The following PNLIP variants were observed in gnomAD, a reference collection of about 807,000 sequenced individuals.
The protein encoded by PNLIP is pancreatic triacylglycerol lipase.
A neutral mutation model predicts 57.1 loss-of-function variants in PNLIP; 49 were observed. That is an observed-to-expected ratio of 0.86 (90% confidence interval 0.68 to 1.09). The LOEUF (loss-of-function observed/expected upper bound fraction) is 1.09. PNLIP is among the 50% of genes least tolerant of loss of function. The pLI is 0.00. For missense variants in PNLIP, 503 were observed against 570.2 expected, an observed-to-expected ratio of 0.88 and a Z score of 1.20; for synonymous variants, 209 against 200.4, an observed-to-expected ratio of 1.04 and a Z score of -0.36.
In PNLIP at chr10:116,548,432, C is replaced by A. The variant is rs368162708; in HGVS notation, c.274C>A (p.His92Asn). The A allele has an allele frequency of 4.8e-5, 77 of 1,613,846 alleles. No individual in the cohort carries two copies. Among genetic ancestry groups the A allele is most frequent in the Non-Finnish European group, 6.4e-5 (76 of 1,179,860 alleles). Residue 92 changes from histidine (H) to asparagine (N), a missense_variant, in exon 4 of 13, where the codon CAT (histidine) becomes AAT (asparagine). By Grantham distance (68) the His-to-Asn change is moderately conservative (BLOSUM62 1). Coordinates refer to ENST00000369221, the MANE Select transcript of PNLIP (RefSeq NM_000936.4). ...AAATAGAAAAACTCGCTTTATTATTCATGGATTCATAGACAAGGGAGAAGA... is the reference window on the plus strand; with the variant it reads ...AAATAGAAAAACTCGCTTTATTATTAATGGATTCATAGACAAGGGAGAAGA... Reference protein sequence around the residue: ...KTNRKTRFIIHGFIDKGEENW... With the variant: ...KTNRKTRFIINGFIDKGEENW...
intron 12 of PNLIP, among the ~76,000 whole-genome samples, chr10:116,565,009 C>T (rs1241272295): frequency 6.6e-6 from 1 of 151,564 alleles, no homozygotes; most frequent in Non-Finnish European, 1.5e-5. Flanking sequence ...ACCTGTAATC[C>T]CAGCACTTTG....
chr10:116,555,911 G>T, intron 8 of PNLIP, 89 bp from the exon 9 acceptor site: 1 of 787,946 alleles, frequency 1.3e-6, no homozygotes, highest in South Asian at 1.6e-5. Context: ...ACTAATTAGA[G>T]AAATCTATTC....
At chr10:116,556,483 T>C (rs1427605633) in intron 9 of PNLIP, among the ~76,000 whole-genome samples, 2 of 152,220 alleles carry the variant, frequency 1.3e-5, no homozygotes, top group Non-Finnish European at 2.9e-5. Flanking sequence ...TAACTATTAA[T>C]ATATAATTAT....
intron 10 of PNLIP, among the ~76,000 whole-genome samples, 193 bp downstream of exon 10, chr10:116,559,476 C>T (rs530116766): frequency 6.6e-6 from 1 of 152,280 alleles, no homozygotes; most frequent in Admixed American, 6.5e-5. Flanking sequence ...GGGTCCTGGA[C>T]TCTTAATGCT....
chr10:116,551,091 C>T lies in PNLIP; in HGVS notation c.325-7C>T. The T allele has an allele frequency of 6.4e-7, 1 of 1,570,600 alleles. No homozygotes were observed. The highest frequency in any genetic ancestry group is 2.3e-5 in the East Asian group (1 of 43,070). The stretch of plus-strand genomic sequence containing the variant: ...TATTTATCTGTTTATTGTGCCCCTT[C>T]CACCAGAATCTGTTCAAGGTGGAAA... On this transcript the variant is annotated splice_polypyrimidine_tract_variant and splice_region_variant and intron_variant, in intron 4 of 12. Coordinates refer to ENST00000369221, the MANE Select transcript of PNLIP (RefSeq NM_000936.4).
At chr10:116,560,256 T>A (rs1269300883) in intron 10 of PNLIP, among the ~76,000 whole-genome samples, 160 bp from the exon 11 acceptor site, 1 of 149,554 alleles carries the variant, frequency 6.7e-6, no homozygotes, top group Non-Finnish European at 1.5e-5. Context: ...GGAATATCTA[T>A]CACTATTTCA....
At chr10:116,557,358 A>C (rs1847263509) in intron 9 of PNLIP, among the ~76,000 whole-genome samples, 1 of 151,938 alleles carries the variant, frequency 6.6e-6, no homozygotes, top group Admixed American at 6.6e-5. Context: ...TCACCTTTGC[A>C]CTCCCTTCTA....
intron 5 of PNLIP, among the ~76,000 whole-genome samples, chr10:116,553,035 T>C (rs555010543): frequency 2.0e-5 from 3 of 152,354 alleles, no homozygotes; most frequent in African/African-American, 7.2e-5. Context: ...ACTCCATGAC[T>C]TGCCCAGAGC....
At chr10:116,549,197 G>A (rs1350310406) in intron 4 of PNLIP, among the ~76,000 whole-genome samples, 1 of 152,210 alleles carries the variant, frequency 6.6e-6, no homozygotes, top group Non-Finnish European at 1.5e-5. Context: ...AAAGACACAG[G>A]CTGGGTGTGG....
chr10:116,556,147 A>T (rs749038158), intron 9 of PNLIP, 29 bp downstream of exon 9: 2 of 1,293,136 alleles, frequency 1.5e-6, no homozygotes, highest in South Asian at 1.2e-5. Flanking sequence ...CCGCATAAAG[A>T]ATTTTGTGAC....
intron 6 of PNLIP, 54 bp from the exon 7 acceptor site, chr10:116,555,124 T>C (rs1299251404): frequency 6.2e-7 from 1 of 1,602,108 alleles, no homozygotes; most frequent in Non-Finnish European, 8.6e-7. Context: ...ATTTTACTCT[T>C]AATACTTGTA....
rs1847252086 is a variant in PNLIP at position 116,556,195 on chromosome 10, A to T, written c.930+77A>T. The T allele has an allele frequency of 5.1e-6, 4 of 781,388 alleles. No individual in the cohort carries two copies. The East Asian group carries it at 9.8e-5, about 19-fold the overall frequency. The allele number at this position is 781,388 out of a possible 1,614,324, so 48.4% of individuals were successfully genotyped here. ...TGACTGGTGTGCTTTCCTATACATGACATCATTCAATGAATGTTTATACTT... is the reference window on the plus strand; with the variant it reads ...TGACTGGTGTGCTTTCCTATACATGTCATCATTCAATGAATGTTTATACTT... On this transcript the variant is annotated intron_variant, in intron 9 of 12. Coordinates refer to ENST00000369221, the MANE Select transcript of PNLIP (RefSeq NM_000936.4).
At chr10:116,552,325 A>C (rs1847202473) in intron 5 of PNLIP, among the ~76,000 whole-genome samples, 1 of 152,346 alleles carries the variant, frequency 6.6e-6, no homozygotes, top group South Asian at 2.1e-4. Context: ...AGGAGATGAC[A>C]GCTTCATGCA....
intron 10 of PNLIP, 127 bp from the exon 11 acceptor site, chr10:116,560,289 A>T: frequency 1.8e-6 from 1 of 562,448 alleles, no homozygotes; most frequent in Non-Finnish European, 3.2e-6. Context: ...ACACACACAC[A>T]CACACACACA....
At chr10:116,567,144 C>CTTTCT (rs1564728825) in intron 12 of PNLIP, among the ~76,000 whole-genome samples, 1 of 128,882 alleles carries the variant, frequency 7.8e-6, no homozygotes, top group Non-Finnish European at 1.6e-5. Flanking sequence ...TCTTTCTTTT[C>CTTTCT]TTCTCTTTCT....
chr10:116,555,669 G>A (rs1847245827), intron 8 of PNLIP, among the ~76,000 whole-genome samples, 162 bp downstream of exon 8: 1 of 152,190 alleles, frequency 6.6e-6, no homozygotes, highest in Non-Finnish European at 1.5e-5. Flanking sequence ...GGATAAGTGG[G>A]CATGAGGAGA....
intron 9 of PNLIP, among the ~76,000 whole-genome samples, chr10:116,558,199 CTTTTT>C (rs71010092): frequency 4.0e-4 from 47 of 118,248 alleles, no homozygotes; most frequent in African/African-American, 1.3e-3. Context: ...ATCTTTCTTT[CTTTTT>C]TTTTTTTTTT....
intron 11 of PNLIP, 30 bp downstream of exon 11, chr10:116,560,554 T>TC: frequency 2.5e-6 from 2 of 816,292 alleles, no homozygotes; most frequent in Admixed American, 2.6e-5. Flanking sequence ...TCTATGCTTT[T>TC]TTTTTTTTTT....
At position 116,555,195 on chromosome 10, in the gene PNLIP, C is replaced by A. The variant is rs750396764; in HGVS notation, c.589C>A (p.Pro197Thr). Residue 197 changes from proline (P) to threonine (T), a missense_variant, in exon 7 of 13, where the codon CCT becomes ACT. Physicochemically the swap from Pro to Thr is conservative, Grantham distance 38. Coordinates refer to ENST00000369221, the MANE Select transcript of PNLIP (RefSeq NM_000936.4). ...TACTTTAGGGTTGGACCCAGCAGAA[C>A]CTTGCTTTCAGGGCACACCTGAATT... ...GRITGLDPAE[P>T]CFQGTPELVR... 11 of 1,614,130 alleles carry A rather than the reference C, an allele frequency of 6.8e-6. No homozygotes were observed. Among genetic ancestry groups the A allele is most frequent in the Non-Finnish European group, 7.6e-6 (9 of 1,180,014 alleles).
Sources: gnomAD v4.1 joint callset for allele counts (sites outside exome capture counted in the v4.1 genomes callset) on GRCh38, gnomAD v4.1.1 for gene constraint, MANE v1.5 for transcripts, NCBI Gene and HGNC (gene_info 2026-07-23, HGNC 2026-07-21) for gene names.